Variants in LRBA observed in about 807,000 individuals in gnomAD.
The protein encoded by LRBA is lipopolysaccharide-responsive and beige-like anchor protein.
A neutral mutation model predicts 330.0 loss-of-function variants in LRBA; 176 were observed. The ratio of observed to expected loss-of-function variants is 0.53; its 90% CI spans 0.47 to 0.60. The LOEUF is 0.60. Ranked by LOEUF, LRBA falls within the 20% of genes least tolerant of loss-of-function variation. The pLI is 0.00. For synonymous variants in LRBA, 1,230 were observed against 1,193.0 expected, an observed-to-expected ratio of 1.03 and a Z score of -0.64; for missense variants, 3,259 against 3,444.8, an observed-to-expected ratio of 0.95 and a Z score of 1.35.
At chr4:150,842,245 T>C (rs1749197222) in intron 28 of LRBA, among the ~76,000 whole-genome samples, 1 of 152,186 alleles carries the variant, frequency 6.6e-6, no homozygotes, top group African/African-American at 2.4e-5. Flanking sequence ...CACTAAAAGA[T>C]GATATTAGAG....
At chr4:150,746,090 A>G (rs1004403410) in intron 35 of LRBA, among the ~76,000 whole-genome samples, 1 of 152,228 alleles carries the variant, frequency 6.6e-6, no homozygotes, top group African/African-American at 2.4e-5. Flanking sequence ...ACATTTATCT[A>G]AACTTATAGA....
chr4:150,364,417 G>A (rs925210083), intron 47 of LRBA, among the ~76,000 whole-genome samples: 1 of 152,222 alleles, frequency 6.6e-6, no homozygotes, highest in Non-Finnish European at 1.5e-5. Context: ...CAAATTGTCT[G>A]ATGTCACAGC....
chr4:150,505,481 C>A (rs1301227493), intron 40 of LRBA, among the ~76,000 whole-genome samples: 1 of 152,176 alleles, frequency 6.6e-6, no homozygotes, highest in East Asian at 1.9e-4. Context: ...TGAATGACTA[C>A]TGGGTACATA....
chr4:150,690,541 A>G (rs1163031979), intron 36 of LRBA, among the ~76,000 whole-genome samples: 2 of 151,902 alleles, frequency 1.3e-5, no homozygotes, highest in Non-Finnish European at 2.9e-5. Context: ...AAGTAACTTT[A>G]GAAAACAAAG....
intron 47 of LRBA, among the ~76,000 whole-genome samples, chr4:150,372,991 A>T (rs540141240): frequency 6.6e-6 from 1 of 152,008 alleles, no homozygotes; most frequent in Non-Finnish European, 1.5e-5. Flanking sequence ...AAGCAATCCT[A>T]TGGAGAGTGT....
chr4:150,641,826 C>A (rs1778707621), intron 37 of LRBA, among the ~76,000 whole-genome samples: 2 of 151,948 alleles, frequency 1.3e-5, no homozygotes, highest in African/African-American at 4.8e-5. Flanking sequence ...TGCAAGACTG[C>A]ATAATTTATC....
intron 49 of LRBA, among the ~76,000 whole-genome samples, chr4:150,325,531 T>C (rs1415383862): frequency 6.6e-6 from 1 of 152,138 alleles, no homozygotes; most frequent in Admixed American, 6.6e-5. Context: ...GAGTCCTTTA[T>C]CCTACAGTGA....
chr4:150,771,193 G>C (rs564469487), intron 34 of LRBA, among the ~76,000 whole-genome samples: 1 of 152,292 alleles, frequency 6.6e-6, no homozygotes, highest in South Asian at 2.1e-4. Context: ...TGGGTCACTA[G>C]AGGTAATAAC....
At chr4:150,705,616 C>G (rs948046544) in intron 36 of LRBA, among the ~76,000 whole-genome samples, 2 of 151,934 alleles carry the variant, frequency 1.3e-5, no homozygotes, top group Non-Finnish European at 2.9e-5. Context: ...CAGATACAAT[C>G]TGGCAAGATT....
intron 16 of LRBA, among the ~76,000 whole-genome samples, chr4:150,893,974 C>T (rs760049153): frequency 4.6e-5 from 7 of 152,192 alleles, no homozygotes; most frequent in Non-Finnish European, 8.8e-5. Flanking sequence ...CCACCGCGCC[C>T]GGCCTCGAAA....
At chr4:150,665,264 C>T (rs1781465283) in intron 37 of LRBA, among the ~76,000 whole-genome samples, 1 of 152,198 alleles carries the variant, frequency 6.6e-6, no homozygotes, top group Non-Finnish European at 1.5e-5. Flanking sequence ...CTAGTACATG[C>T]TGTAATTCTA....
chr4:150,374,810 T>C (rs564937098), intron 47 of LRBA, among the ~76,000 whole-genome samples: 1 of 152,260 alleles, frequency 6.6e-6, no homozygotes, highest in Admixed American at 6.5e-5. Flanking sequence ...CAAAAGTGTA[T>C]AATTCTTAAG....
At chr4:150,722,914 C>T (rs986530993) in intron 36 of LRBA, among the ~76,000 whole-genome samples, 1 of 151,958 alleles carries the variant, frequency 6.6e-6, no homozygotes, top group African/African-American at 2.4e-5. Flanking sequence ...GAGAGCTCAA[C>T]GACTGGAGAA....
rs773769994 is a variant in LRBA, at chr4:150,589,070, C to CAG, written c.6194-887_6194-886insCT. Among the ~76,000 whole-genome samples the CAG allele has an allele frequency of 3.3e-3, 482 of 146,426 alleles. 3 individuals carry two copies. The highest frequency in any genetic ancestry group is 0.012 in the African/African-American group (453 of 37,900). ...ACACACACACACACACACACACACA[C>CAG]ACAGAGAGAGAGAGATCGACGTAGA... On this transcript the variant is annotated intron_variant, in intron 39 of 56. Coordinates refer to ENST00000651943, the MANE Select transcript of LRBA (RefSeq NM_001364905.1).
chr4:150,803,992 C>T (rs1366485160), intron 33 of LRBA, among the ~76,000 whole-genome samples: 1 of 151,958 alleles, frequency 6.6e-6, no homozygotes, highest in Non-Finnish European at 1.5e-5. Context: ...TACTGAGAGG[C>T]TGTATTTAAT....
intron 40 of LRBA, chr4:150,579,240 G>A (rs1318410915): frequency 2.8e-5 from 13 of 456,564 alleles, no homozygotes; most frequent in Admixed American, 2.8e-4. Context: ...AGAGGTGACA[G>A]GGGCTCTTCA....
chr4:150,851,874 T>C lies in LRBA; in HGVS notation c.3825+11A>G, dbSNP rs1750657125. On this transcript the variant is annotated intron_variant, in intron 23 of 56. Transcript: ENST00000651943. Reference sequence around the variant, plus strand: ...GCAAAAGTACTTGAATAAGACAATATATAAAATCACCTCAAGCACATGTCG... The same window carrying C: ...GCAAAAGTACTTGAATAAGACAATACATAAAATCACCTCAAGCACATGTCG... The C allele has an allele frequency of 2.5e-6, 4 of 1,588,716 alleles. No homozygotes were observed. In the African/African-American group the frequency reaches 4.1e-5, roughly 16 times the overall value.
At chr4:150,353,544 C>T (rs185569847) in intron 47 of LRBA, among the ~76,000 whole-genome samples, 11 of 152,252 alleles carry the variant, frequency 7.2e-5, no homozygotes, top group Non-Finnish European at 1.3e-4. Flanking sequence ...ATTTTCCTTA[C>T]GGTTGACTAC....
chr4:150,950,118 T>G (rs1736672616), intron 2 of LRBA, among the ~76,000 whole-genome samples: 1 of 152,144 alleles, frequency 6.6e-6, no homozygotes, highest in African/African-American at 2.4e-5. Context: ...GAGAACCTTT[T>G]TAAATTTGCA....
Sources: allele counts gnomAD v4.1 joint callset (sites outside exome capture counted in the v4.1 genomes callset), GRCh38; gene constraint gnomAD v4.1.1; transcripts MANE v1.5; gene names NCBI Gene and HGNC (gene_info 2026-07-23, HGNC 2026-07-21).